GPHN: variants seen among roughly 807,000 people sequenced by gnomAD.
GPHN encodes the protein gephyrin.
Under a neutral mutation model 95.5 loss-of-function variants are expected in GPHN, and 17 were observed. The ratio of observed to expected loss-of-function variants is 0.18; its 90% CI spans 0.12 to 0.27. The LOEUF is 0.27. Among genes scored for constraint, GPHN ranks in the 10% least tolerant of loss-of-function variants. The probability of loss-of-function intolerance (pLI) is 1.00; values close to 1 mark genes in which losing one functional copy is unlikely to be tolerated. For missense variants in GPHN, 660 were observed against 978.1 expected (o/e 0.67, Z 4.34); for synonymous variants, 320 against 322.5 (o/e 0.99, Z 0.08).
chr14:67,693,145 G>T, the GPHN span: 2 of 775,010 alleles, frequency 2.6e-6, no homozygotes, highest in Non-Finnish European at 4.2e-6. Context: ...GCTGAGGTTT[G>T]CTTTAGTTCT....
chr14:67,036,819 G>T (rs1489983177), intron 10 of GPHN, among the ~76,000 whole-genome samples: 37 of 151,768 alleles, frequency 2.4e-4, no homozygotes, highest in Non-Finnish European at 4.0e-4. Flanking sequence ...CTGGATTCAT[G>T]GATGGAAAGA....
chr14:67,473,886 C>T, the GPHN span: 4 of 1,609,730 alleles, frequency 2.5e-6, no homozygotes, highest in Non-Finnish European at 3.4e-6. The surrounding 1 kb of genome is among the most constrained non-coding windows in gnomAD (Gnocchi z 6.5). Context: ...ATACAGGTAC[C>T]AGCGGGACAG....
At chr14:67,646,948 G>C in the GPHN span, 1 of 1,609,620 alleles carries the variant, frequency 6.2e-7, no homozygotes, top group Non-Finnish European at 8.5e-7. Flanking sequence ...ATGATATCCA[G>C]TATTTTTCCA....
At chr14:67,676,208 T>C in the GPHN span, among the ~76,000 whole-genome samples, 1 of 152,338 alleles carries the variant, frequency 6.6e-6, no homozygotes, top group Admixed American at 6.5e-5. Flanking sequence ...TATTAAAAGA[T>C]GTATGACTGC....
the GPHN span, among the ~76,000 whole-genome samples, chr14:67,657,587 C>T: frequency 0.012 from 1,763 of 142,934 alleles, 21 homozygotes; most frequent in Non-Finnish European, 0.02. Flanking sequence ...GTTCAAAGCA[C>T]GCGCGCGCGT....
chr14:66,987,026 T>C (rs1340678728), intron 9 of GPHN, among the ~76,000 whole-genome samples: 1 of 152,166 alleles, frequency 6.6e-6, no homozygotes, highest in African/African-American at 2.4e-5. Context: ...TGGATAGCTA[T>C]TTTATTAAAA....
chr14:66,676,949 C>A (rs756130660), intron 1 of GPHN, among the ~76,000 whole-genome samples: 1 of 151,872 alleles, frequency 6.6e-6, no homozygotes, highest in African/African-American at 2.4e-5. Context: ...TTTTTTATTG[C>A]CAGTTTAATC....
At chr14:66,673,879 C>T (rs1306992972) in intron 1 of GPHN, among the ~76,000 whole-genome samples, 1 of 152,038 alleles carries the variant, frequency 6.6e-6, no homozygotes, top group African/African-American at 2.4e-5. Flanking sequence ...AGTAATTGTA[C>T]ATATTTATAG....
chr14:66,879,768 G>T (rs2063842259), intron 4 of GPHN, among the ~76,000 whole-genome samples, 171 bp from the exon 5 acceptor site: 1 of 152,046 alleles, frequency 6.6e-6, no homozygotes, highest in African/African-American at 2.4e-5. Flanking sequence ...CTTTTATTCA[G>T]TGGTCCTTGT....
intron 2 of GPHN, among the ~76,000 whole-genome samples, chr14:66,767,650 T>G (rs2059013902): frequency 6.6e-6 from 1 of 151,892 alleles, no homozygotes; most frequent in Non-Finnish European, 1.5e-5. Flanking sequence ...ATAGAGTAAT[T>G]GCTTTCAGAA....
the GPHN span, among the ~76,000 whole-genome samples, chr14:67,672,320 T>C: frequency 1.3e-5 from 2 of 152,030 alleles, no homozygotes; most frequent in Non-Finnish European, 2.9e-5. Flanking sequence ...GGTTTCACCA[T>C]GTTGCCCAGG....
At chr14:67,082,593 A>G (rs1259738062) in intron 11 of GPHN, among the ~76,000 whole-genome samples, 3 of 152,106 alleles carry the variant, frequency 2.0e-5, no homozygotes, top group Admixed American at 1.3e-4. Flanking sequence ...CTTTTTCACA[A>G]TTGTTTTGGC....
At chr14:66,997,467 G>A (rs957792127) in intron 9 of GPHN, among the ~76,000 whole-genome samples, 8 of 151,352 alleles carry the variant, frequency 5.3e-5, no homozygotes, top group African/African-American at 1.7e-4. Context: ...CTTTGTATAG[G>A]CCACTGTAGC....
chr14:66,996,624 G>T (rs2071816723), intron 9 of GPHN, among the ~76,000 whole-genome samples: 1 of 152,066 alleles, frequency 6.6e-6, no homozygotes, highest in Admixed American at 6.6e-5. Context: ...TATTCAATTA[G>T]TGATTGTTGT....
At chr14:67,135,854 C>A (rs1269696846) in intron 17 of GPHN, among the ~76,000 whole-genome samples, 2 of 152,062 alleles carry the variant, frequency 1.3e-5, no homozygotes, top group African/African-American at 2.4e-5. Flanking sequence ...GCTCTGTCTT[C>A]TTATTATTTT....
chr14:67,169,245 C>G (rs1044278823), intron 21 of GPHN: 2 of 591,862 alleles, frequency 3.4e-6, no homozygotes, highest in African/African-American at 1.9e-5. Flanking sequence ...ATCATTTTCT[C>G]CAGATAGAAG....
chr14:67,635,622 G>A, the GPHN span, among the ~76,000 whole-genome samples: 1 of 152,200 alleles, frequency 6.6e-6, no homozygotes, highest in Non-Finnish European at 1.5e-5. Flanking sequence ...GGGAGGCCAA[G>A]GTGGGTGGAT....
the GPHN span, chr14:67,674,852 T>G: frequency 5.9e-6 from 1 of 168,400 alleles, no homozygotes; most frequent in Non-Finnish European, 1.3e-5. Flanking sequence ...CCTGCGGGAC[T>G]GGCAGCGCGG....
the GPHN span, among the ~76,000 whole-genome samples, chr14:67,283,493 T>C: frequency 6.6e-6 from 1 of 152,230 alleles, no homozygotes; most frequent in African/African-American, 2.4e-5. Context: ...TCTTGAGTTT[T>C]AGTTCAGCCT....
Sources: gnomAD v4.1 joint callset for allele counts (sites outside exome capture counted in the v4.1 genomes callset) on GRCh38, gnomAD v4.1.1 for gene constraint, Gnocchi (gnomAD v3.1) non-coding constraint, MANE v1.5 for transcripts, NCBI Gene and HGNC (gene_info 2026-07-23, HGNC 2026-07-21) for gene names.